Variants in CNKSR2 observed in about 807,000 individuals in gnomAD.
The protein encoded by CNKSR2 is CNK homolog protein 2.
In CNKSR2, 14 loss-of-function variants were observed where a neutral mutation model predicts 84.4. The observed-to-expected ratio is 0.17, with a 90% confidence interval of 0.11 to 0.26. The LOEUF (loss-of-function observed/expected upper bound fraction) is 0.26, where lower values mean the gene tolerates loss of function less well. Ranked by LOEUF, CNKSR2 falls within the 10% of genes least tolerant of loss-of-function variation. The pLI is 1.00. For synonymous variants in CNKSR2, 275 were observed against 277.9 expected, an observed-to-expected ratio of 0.99 and a Z score of 0.10; for missense variants, 485 against 771.2, an observed-to-expected ratio of 0.63 and a Z score of 4.40.
intron 5 of CNKSR2, among the ~76,000 whole-genome samples, chrX:21,475,969 G>A (rs1453728262): frequency 9.0e-6 from 1 of 111,061 alleles, no homozygotes; most frequent in Non-Finnish European, 1.9e-5. Context: ...TCTGATTTTC[G>A]GATTAGAGAT....
chrX:21,579,291 A>G (rs1438111907), intron 13 of CNKSR2, among the ~76,000 whole-genome samples: 1 of 112,117 alleles, frequency 8.9e-6, no homozygotes, highest in Non-Finnish European at 1.9e-5. Context: ...ATAGGAAACT[A>G]CCAAACTGAG....
At chrX:21,496,492 T>C (rs35153057) in intron 6 of CNKSR2, among the ~76,000 whole-genome samples, 4,767 of 111,570 alleles carry the variant, frequency 0.043, 103 homozygotes, top group Non-Finnish European at 0.063. Flanking sequence ...GTGATAAGCA[T>C]TCATTTTGTT....
At chrX:21,521,145 CGTT>C (rs914893796) in intron 9 of CNKSR2, among the ~76,000 whole-genome samples, 3 of 108,943 alleles carry the variant, frequency 2.8e-5, no homozygotes, top group African/African-American at 6.6e-5. Flanking sequence ...AGTTGCAGGT[CGTT>C]GTGACTGAAA....
intron 4 of CNKSR2, among the ~76,000 whole-genome samples, chrX:21,456,425 C>T (rs767491279): frequency 1.6e-4 from 18 of 111,516 alleles, no homozygotes; most frequent in Admixed American, 1.4e-3. Context: ...AGTTTGACTT[C>T]GTTTTTTAGA....
chrX:21,540,102 CAAAT>C (rs950116274), intron 11 of CNKSR2, among the ~76,000 whole-genome samples: 1 of 111,727 alleles, frequency 9.0e-6, no homozygotes, highest in African/African-American at 3.3e-5. Context: ...AGGGAAGAAA[CAAAT>C]AAATAGATGC....
chrX:21,470,735 G>T, intron 4 of CNKSR2, 31 bp from the exon 5 acceptor site: 1 of 736,592 alleles, frequency 1.4e-6, no homozygotes, highest in Non-Finnish European at 2.0e-6. Context: ...TTGATATTTT[G>T]AATCTAATGT....
At chrX:21,511,400 A>C (rs190191880) in intron 8 of CNKSR2, among the ~76,000 whole-genome samples, 1 of 111,208 alleles carries the variant, frequency 9.0e-6, no homozygotes, top group Non-Finnish European at 1.9e-5. Context: ...TTATGTACAA[A>C]ACTAAACCCT....
In CNKSR2 at chrX:21,505,298, T is replaced by C. The variant is rs1040035744; in HGVS notation, c.810+3710T>C. The C allele has an allele frequency of 7.2e-5, 8 of 111,509 alleles. No individual in the cohort carries two copies. The Admixed American group carries it at 7.7e-4, about 11-fold the overall frequency. 9.2% of individuals were successfully genotyped at this position (111,509 alleles called of 1,213,427 possible). A position where few individuals can be genotyped will look rare whatever the true frequency, so the allele number is the denominator to read the frequency against. On this transcript the variant is annotated intron_variant, in intron 8 of 21. Coordinates refer to ENST00000379510, the MANE Select transcript of CNKSR2 (RefSeq NM_014927.5). ...TAATATTAAAACATATTCACTGTTA[T>C]TTTGAAAGATATTCTGGAACCTGAT...
In CNKSR2 at chrX:21,426,705, C is replaced by A. The variant is rs753846927; in HGVS notation, c.228+45C>A. The A allele has an allele frequency of 1.5e-5, 17 of 1,122,128 alleles. No individual in the cohort carries two copies. In the East Asian group the frequency reaches 5.3e-4, roughly 35 times the overall value. The allele number at this position is 1,122,128 out of a possible 1,213,427, so 92.5% of individuals were successfully genotyped here. ...GAAGAGGGAAACTTCTCTTTTTCTT[C>A]TTTTGTTGCTTTTCCCTTTTTTCTT... On this transcript the variant is annotated intron_variant, in intron 2 of 21. Transcript: ENST00000379510.
chrX:21,567,525 A>T (rs1301737439), intron 13 of CNKSR2, among the ~76,000 whole-genome samples: 1 of 111,430 alleles, frequency 9.0e-6, no homozygotes, highest in Admixed American at 9.5e-5. Flanking sequence ...ATGCAAGAGG[A>T]TTAGCTGCCT....
chrX:21,635,677 T>C lies in CNKSR2; in HGVS notation c.2693-13154T>C, dbSNP rs1011183245. Among the ~76,000 whole-genome samples, 14 of 109,537 alleles carry C rather than the reference T, an allele frequency of 1.3e-4. No homozygotes were observed. In the Admixed American group the frequency reaches 1.4e-3, roughly 11 times the overall value. On this transcript the variant is annotated intron_variant, in intron 20 of 21. Transcript: ENST00000379510. Reference sequence around the variant, plus strand: ...CTGAGCAGTAAAAGTATAATTTGCATAGCATTAAAATTTACTGACCACAGA... The same window carrying C: ...CTGAGCAGTAAAAGTATAATTTGCACAGCATTAAAATTTACTGACCACAGA...
chrX:21,471,792 G>T (rs2091200972), intron 5 of CNKSR2, among the ~76,000 whole-genome samples: 1 of 111,359 alleles, frequency 9.0e-6, no homozygotes, highest in Admixed American at 9.6e-5. Flanking sequence ...AGTCTCAGGA[G>T]TGGATAATTA....
intron 18 of CNKSR2, among the ~76,000 whole-genome samples, chrX:21,603,139 T>C (rs779236399): frequency 8.9e-6 from 1 of 112,394 alleles, no homozygotes; most frequent in South Asian, 3.7e-4. Context: ...TATTGGTCTA[T>C]CATGTAAGTA....
intron 4 of CNKSR2, among the ~76,000 whole-genome samples, chrX:21,445,108 C>G (rs1262495919): frequency 1.8e-5 from 2 of 111,228 alleles, no homozygotes; most frequent in African/African-American, 6.5e-5. Context: ...TTACTATGTA[C>G]TCAGAGTTAG....
At chrX:21,531,209 A>G (rs757898898) in intron 10 of CNKSR2, among the ~76,000 whole-genome samples, 5 of 110,944 alleles carry the variant, frequency 4.5e-5, no homozygotes, top group Admixed American at 9.6e-5. Context: ...TTTGATTCCT[A>G]AGGCTGCAGT....
intron 8 of CNKSR2, among the ~76,000 whole-genome samples, chrX:21,508,905 T>C (rs2091641814): frequency 8.9e-6 from 1 of 112,038 alleles, no homozygotes; most frequent in South Asian, 3.7e-4. Flanking sequence ...CCCATGAACT[T>C]CGTTATGAGT....
chrX:21,586,262 T>C (rs2092387567), intron 13 of CNKSR2, among the ~76,000 whole-genome samples: 1 of 111,874 alleles, frequency 8.9e-6, no homozygotes, highest in South Asian at 3.8e-4. Flanking sequence ...AGCTTCCTCA[T>C]TCATGAGTAA....
chrX:21,465,884 G>A (rs756204036), intron 4 of CNKSR2, among the ~76,000 whole-genome samples: 46 of 111,506 alleles, frequency 4.1e-4, no homozygotes, highest in Middle Eastern at 4.2e-3. Flanking sequence ...ATTCTGCTCA[G>A]TATAGCAATT....
intron 11 of CNKSR2, 94 bp downstream of exon 11, chrX:21,532,161 T>G (rs1026900640): frequency 1.0e-5 from 6 of 572,587 alleles, no homozygotes; most frequent in Non-Finnish European, 1.6e-5. Context: ...GAGAGTTACT[T>G]AGGCGCTTTT....
Sources: allele counts gnomAD v4.1 joint callset (sites outside exome capture counted in the v4.1 genomes callset), GRCh38; gene constraint gnomAD v4.1.1; transcripts MANE v1.5; gene names NCBI Gene and HGNC (gene_info 2026-07-23, HGNC 2026-07-21).